MID1: variants seen among roughly 807,000 people sequenced by gnomAD.
MID1 encodes the protein midline 1, also known as E3 ubiquitin-protein ligase Midline-1.
Under a neutral mutation model 40.4 loss-of-function variants are expected in MID1, and 7 were observed. The observed-to-expected ratio is 0.17, with a 90% CI of 0.10 to 0.33. MID1 has a LOEUF of 0.33. MID1 is among the 10% of genes least tolerant of loss of function. MID1 has a pLI of 1.00. For missense variants in MID1, 367 were observed against 558.5 expected (o/e 0.66, Z 3.46); for synonymous variants, 229 against 221.2 (o/e 1.04, Z -0.31).
At chrX:10,727,935 T>C (rs774274591) in intron 1 of MID1, among the ~76,000 whole-genome samples, 3 of 112,172 alleles carry the variant, frequency 2.7e-5, no homozygotes, top group Non-Finnish European at 5.6e-5. Flanking sequence ...AGAAAATAAG[T>C]GATCTGCCAC....
At chrX:10,639,846 G>A (rs1009088455) in intron 1 of MID1, among the ~76,000 whole-genome samples, 2 of 112,166 alleles carry the variant, frequency 1.8e-5, no homozygotes, top group African/African-American at 6.5e-5. Flanking sequence ...CCAGAAGGGA[G>A]TGAGGGCCAA....
At chrX:10,646,570 A>G (rs1936264368) in intron 1 of MID1, among the ~76,000 whole-genome samples, 1 of 111,553 alleles carries the variant, frequency 9.0e-6, no homozygotes, top group Admixed American at 9.6e-5. Flanking sequence ...TTTCTGCTCA[A>G]TACAGAAGTT....
chrX:10,505,528 C>G (rs999746050), intron 3 of MID1: 8 of 752,249 alleles, frequency 1.1e-5, no homozygotes, highest in Admixed American at 8.7e-5. Context: ...AAGAAATCTA[C>G]TTAACCTGCC....
chrX:10,666,834 C>T (rs1203283112), intron 1 of MID1, among the ~76,000 whole-genome samples: 1 of 111,769 alleles, frequency 8.9e-6, no homozygotes, highest in East Asian at 2.8e-4. Context: ...CACCTGTTCT[C>T]TGTTTCCACT....
chrX:10,694,499 G>A (rs755931281), intron 1 of MID1, among the ~76,000 whole-genome samples: 1 of 112,025 alleles, frequency 8.9e-6, no homozygotes, highest in South Asian at 3.7e-4. Flanking sequence ...AAGTCCCCAG[G>A]CACCAAACCT....
At chrX:10,799,399 C>T (rs2043990593) in intron 1 of MID1, among the ~76,000 whole-genome samples, 1 of 112,182 alleles carries the variant, frequency 8.9e-6, no homozygotes, top group Admixed American at 9.5e-5. Context: ...TGAGGGACAA[C>T]AAATACTTTA....
chrX:10,550,918 ACT>A (rs755713377), intron 2 of MID1, among the ~76,000 whole-genome samples: 1 of 111,199 alleles, frequency 9.0e-6, no homozygotes, highest in African/African-American at 3.3e-5. Context: ...GTGGAATTAA[ACT>A]CTATTCTGAG....
chrX:10,626,347 A>AT lies in MID1; in HGVS notation c.-186-5929_-186-5928insA, dbSNP rs1935995853. ...ATTATTATTATTATTATTATTATTA[A>AT]AGACTAGGTCTCGCTGTGTTGCCCA... On this transcript the variant is annotated intron_variant, in intron 1 of 10. Coordinates refer to the MID1 transcript ENST00000380785. Among the ~76,000 whole-genome samples the AT allele has an allele frequency of 6.1e-5, 6 of 97,649 alleles. No individual in the cohort carries two copies. In the South Asian group the frequency reaches 2.9e-3, roughly 47 times the overall value. 84.8% of individuals were successfully genotyped at this position (97,649 alleles called of 115,157 possible).
At chrX:10,489,696 G>GTTTT (rs778434207) in intron 4 of MID1, among the ~76,000 whole-genome samples, 1,108 of 95,466 alleles carry the variant, frequency 0.012, 14 homozygotes, top group Middle Eastern at 0.021. Context: ...TATTTTCAAA[G>GTTTT]TTTTTTTTTT....
intron 1 of MID1, among the ~76,000 whole-genome samples, chrX:10,641,927 C>G (rs1389762584): frequency 2.7e-5 from 3 of 112,037 alleles, no homozygotes; most frequent in Admixed American, 9.5e-5. Flanking sequence ...ACATGATTAT[C>G]TCAATAGATG....
chrX:10,508,510 A>C (rs994909653), intron 3 of MID1, among the ~76,000 whole-genome samples: 1 of 111,708 alleles, frequency 9.0e-6, no homozygotes, highest in African/African-American at 3.3e-5. Flanking sequence ...CAGTACTTTG[A>C]TTGGATGATG....
At chrX:10,501,575 T>G in intron 3 of MID1, 4 of 1,132,980 alleles carry the variant, frequency 3.5e-6, no homozygotes, top group Non-Finnish European at 4.7e-6. Flanking sequence ...GAAAGAGATA[T>G]TACAAAATTG....
upstream of MID1, among the ~76,000 whole-genome samples, chrX:10,624,865 C>T (rs1935979841): frequency 9.0e-6 from 1 of 111,350 alleles, no homozygotes; most frequent in Non-Finnish European, 1.9e-5. Context: ...CCTCCTGCTT[C>T]AGCCGCCAAA....
At chrX:10,805,050 T>G (rs139473159) in intron 1 of MID1, among the ~76,000 whole-genome samples, 2,455 of 110,573 alleles carry the variant, frequency 0.022, 75 homozygotes, top group African/African-American at 0.072. Flanking sequence ...GTAGTTTTTT[T>G]TTGTTGTTGT....
In MID1 at chrX:10,546,464, T is replaced by C. The variant is rs183926114; in HGVS notation, c.660+20424A>G. Among the ~76,000 whole-genome samples the C allele has an allele frequency of 1.6e-3, 185 of 112,139 alleles. 1 individual carries two copies. Among genetic ancestry groups the C allele is most frequent in the Middle Eastern group, 9.2e-3 (2 of 218 alleles). On this transcript the variant is annotated intron_variant, in intron 2 of 9. Coordinates refer to ENST00000317552, the MANE Select transcript of MID1 (RefSeq NM_000381.4). ...TATATATTTTTATATATCTTCTTTATAGCTGTTTTCTCAATGATACTGTGA... is the reference window on the plus strand; with the variant it reads ...TATATATTTTTATATATCTTCTTTACAGCTGTTTTCTCAATGATACTGTGA...
intron 2 of MID1, among the ~76,000 whole-genome samples, chrX:10,537,517 A>C (rs1366791642): frequency 1.8e-5 from 2 of 112,342 alleles, no homozygotes; most frequent in Non-Finnish European, 3.8e-5. Context: ...GTGATAGTAA[A>C]TCACAAAGAG....
chrX:10,569,372 T>A (rs1431136203), intron 1 of MID1, among the ~76,000 whole-genome samples: 1 of 112,470 alleles, frequency 8.9e-6, no homozygotes, highest in Admixed American at 9.4e-5. Context: ...AGCTTGTACA[T>A]CTTTCTACAA....
intron 2 of MID1, among the ~76,000 whole-genome samples, chrX:10,554,897 G>A (rs1232494638): frequency 8.9e-6 from 1 of 111,786 alleles, no homozygotes; most frequent in African/African-American, 3.3e-5. Flanking sequence ...GGTCAAAGAA[G>A]GGGGAAATAA....
At chrX:10,708,751 A>G (rs1406290647) in intron 1 of MID1, among the ~76,000 whole-genome samples, 2 of 111,799 alleles carry the variant, frequency 1.8e-5, no homozygotes, top group Admixed American at 1.9e-4. Flanking sequence ...CGTTTTCTCT[A>G]TTTAGCTGGT....
Sources: gnomAD v4.1 joint callset for allele counts (sites outside exome capture counted in the v4.1 genomes callset) on GRCh38, gnomAD v4.1.1 for gene constraint, MANE v1.5 for transcripts, NCBI Gene and HGNC (gene_info 2026-07-23, HGNC 2026-07-21) for gene names.